The following NYAP2 variants were observed in gnomAD, a reference collection of about 807,000 sequenced individuals.
The protein encoded by NYAP2 is neuronal tyrosine-phosphorylated phosphoinositide-3-kinase adapter 2.
Under a neutral mutation model 50.4 loss-of-function variants are expected in NYAP2, and 23 were observed. The observed-to-expected ratio is 0.46, with a 90% CI of 0.33 to 0.65. NYAP2 has a LOEUF of 0.65. Among genes scored for constraint, NYAP2 ranks in the 30% least tolerant of loss-of-function variants. The pLI is 0.02. For synonymous variants in NYAP2, 394 were observed against 365.2 expected, an observed-to-expected ratio of 1.08 and a Z score of -0.90; for missense variants, 885 against 861.0, an observed-to-expected ratio of 1.03 and a Z score of -0.35.
intron 2 of NYAP2, among the ~76,000 whole-genome samples, chr2:225,401,476 A>C (rs1694860569): frequency 2.0e-5 from 3 of 152,052 alleles, no homozygotes; most frequent in South Asian, 4.1e-4. Context: ...TCAGGAGAAA[A>C]GACACAGTAT....
the NYAP2 span, among the ~76,000 whole-genome samples, chr2:225,693,742 G>C: frequency 5.3e-5 from 8 of 151,924 alleles, no homozygotes; most frequent in Non-Finnish European, 1.2e-4. Flanking sequence ...ACCTTGAGGA[G>C]GTCCCACCTC....
Position 225,460,067 on chromosome 2 carries a change from G to A in NYAP2, c.221+50966G>A, listed in dbSNP as rs374581119. Reference sequence around the variant, plus strand: ...TGAGGTAGGTTAAAAGATTCAAGATGACATTGTCTCTTATTCACTCCTCTT... The same window carrying A: ...TGAGGTAGGTTAAAAGATTCAAGATAACATTGTCTCTTATTCACTCCTCTT... On this transcript the variant is annotated intron_variant, in intron 3 of 6. Coordinates refer to ENST00000636099, the Ensembl canonical transcript of NYAP2. Among the ~76,000 whole-genome samples, 17 of 152,222 alleles carry A rather than the reference G, an allele frequency of 1.1e-4. No individual in the cohort carries two copies. The East Asian group carries it at 3.3e-3, about 29-fold the overall frequency.
chr2:225,432,144 A>ATTT lies in NYAP2; in HGVS notation c.221+23064_221+23066dup, dbSNP rs751205603. Among the ~76,000 whole-genome samples, 458 of 119,480 alleles carry ATTT rather than the reference A, an allele frequency of 3.8e-3. 4 individuals are homozygous for ATTT. Among genetic ancestry groups the ATTT allele is most frequent in the African/African-American group, 0.013 (407 of 30,384 alleles). 78.4% of individuals were successfully genotyped at this position (119,480 alleles called of 152,430 possible). A position where few individuals can be genotyped will look rare whatever the true frequency, so the allele number is the denominator to read the frequency against. ...ACATGCCTGCCACCACGCCCGCCTA[A>ATTT]TTTTTTTTTTTTTTTTTTTTTTTGG... On this transcript the variant is annotated intron_variant, in intron 3 of 6. Transcript: ENST00000636099.
At chr2:225,570,576 A>G (rs748016136) in intron 4 of NYAP2, among the ~76,000 whole-genome samples, 4 of 152,136 alleles carry the variant, frequency 2.6e-5, no homozygotes, top group Non-Finnish European at 4.4e-5. Context: ...AAACCATCAG[A>G]TCTCATGAGA....
At chr2:225,676,493 T>A in the NYAP2 span, among the ~76,000 whole-genome samples, 4 of 152,230 alleles carry the variant, frequency 2.6e-5, no homozygotes, top group South Asian at 8.3e-4. Context: ...AGAGGTTTAA[T>A]GGGACTTACA....
intron 6 of NYAP2, among the ~76,000 whole-genome samples, chr2:225,634,440 T>C (rs1291816264): frequency 1.3e-5 from 2 of 152,154 alleles, no homozygotes; most frequent in Non-Finnish European, 2.9e-5. Flanking sequence ...CATGACCCAT[T>C]GTAGGGAAGC....
At chr2:225,412,210 G>A (rs1160095435) in intron 3 of NYAP2, among the ~76,000 whole-genome samples, 2 of 131,724 alleles carry the variant, frequency 1.5e-5, no homozygotes, top group African/African-American at 5.6e-5. Context: ...GCCTGCCTCA[G>A]CCTCCCAAAG....
At chr2:225,666,597 T>C in the NYAP2 span, among the ~76,000 whole-genome samples, 1 of 152,194 alleles carries the variant, frequency 6.6e-6, no homozygotes, top group Non-Finnish European at 1.5e-5. Context: ...TGATAATTGG[T>C]TGAGTTTGTT....
chr2:225,689,014 T>C, the NYAP2 span, among the ~76,000 whole-genome samples: 23 of 152,308 alleles, frequency 1.5e-4, no homozygotes, highest in Non-Finnish European at 2.9e-4. Flanking sequence ...AGTGCTGGGA[T>C]TACAGGTGTG....
chr2:225,556,826 A>G (rs1559213626), intron 4 of NYAP2, among the ~76,000 whole-genome samples: 1 of 152,188 alleles, frequency 6.6e-6, no homozygotes, highest in South Asian at 2.1e-4. Context: ...GACCAGCTGT[A>G]TTAGTGATAC....
chr2:225,660,832 A>C, the NYAP2 span, among the ~76,000 whole-genome samples: 1 of 152,162 alleles, frequency 6.6e-6, no homozygotes, highest in Non-Finnish European at 1.5e-5. Context: ...TTAATCTTGC[A>C]ATTTTAGGTT....
At chr2:225,435,134 T>C (rs548787877) in intron 3 of NYAP2, among the ~76,000 whole-genome samples, 53 of 152,322 alleles carry the variant, frequency 3.5e-4, no homozygotes, top group African/African-American at 1.2e-3. Flanking sequence ...TTTTGCTTTT[T>C]TCGGTGACAC....
intron 5 of NYAP2, among the ~76,000 whole-genome samples, chr2:225,623,430 T>C (rs553427286): frequency 4.6e-4 from 70 of 151,800 alleles, no homozygotes; most frequent in Admixed American, 2.9e-3. Context: ...AATCACAGAC[T>C]GCAAACTGGC....
the NYAP2 span, among the ~76,000 whole-genome samples, chr2:225,670,648 C>A: frequency 6.8e-6 from 1 of 147,340 alleles, no homozygotes; most frequent in Non-Finnish European, 1.5e-5. Context: ...CATAGGCTTT[C>A]AGCAATCATT....
chr2:225,500,007 T>C (rs1690577621), intron 3 of NYAP2, among the ~76,000 whole-genome samples: 1 of 152,106 alleles, frequency 6.6e-6, no homozygotes, highest in Non-Finnish European at 1.5e-5. Context: ...GAATATACCA[T>C]GGAGAATAAA....
intron 3 of NYAP2, among the ~76,000 whole-genome samples, chr2:225,480,295 T>G (rs572155172): frequency 6.6e-6 from 1 of 152,214 alleles, no homozygotes; most frequent in South Asian, 2.1e-4. Context: ...CTCCTCCATC[T>G]AAGATTTATA....
In NYAP2 at chr2:225,582,989, G is replaced by A. The variant is rs1367784479; in HGVS notation, c.1572G>A (p.Leu524=). 6.2e-7 allele frequency: 1 copy of A among 1,612,258 alleles called. No individual in the cohort carries two copies. ...GCCTCTTCTCCTCCGGCCGCAGCCTGCTGCGCAAGTCGTCCAGTGGCCGGC... is the reference window on the plus strand; with the variant it reads ...GCCTCTTCTCCTCCGGCCGCAGCCTACTGCGCAAGTCGTCCAGTGGCCGGC... Residue 524 remains leucine (L), a synonymous_variant, in exon 5 of 7, where the codon CTG becomes CTA. Coordinates refer to ENST00000636099, the Ensembl canonical transcript of NYAP2. The surrounding 1 kb of genome is among the most constrained non-coding windows in gnomAD (Gnocchi z 7.0).
At chr2:225,529,744 G>C (rs1232141374) in intron 4 of NYAP2, among the ~76,000 whole-genome samples, 6 of 152,146 alleles carry the variant, frequency 3.9e-5, no homozygotes, top group Admixed American at 3.9e-4. Flanking sequence ...GTCTCACTCT[G>C]TCGCCCAGGC....
At chr2:225,525,375 C>T (rs1254573766) in intron 4 of NYAP2, among the ~76,000 whole-genome samples, 1 of 152,060 alleles carries the variant, frequency 6.6e-6, no homozygotes, top group African/African-American at 2.4e-5. Context: ...CCTAAGTGTC[C>T]ATCAATGGAG....
Sources: gnomAD v4.1 joint callset for allele counts (sites outside exome capture counted in the v4.1 genomes callset) on GRCh38, gnomAD v4.1.1 for gene constraint, Gnocchi (gnomAD v3.1) non-coding constraint, MANE v1.5 for transcripts, NCBI Gene and HGNC (gene_info 2026-07-23, HGNC 2026-07-21) for gene names.